Variants in TPR observed in about 807,000 individuals in gnomAD.
The protein encoded by TPR is translocated promoter region, nuclear basket protein, also known as nucleoprotein TPR.
A neutral mutation model predicts 316.1 loss-of-function variants in TPR; 51 were observed. The observed-to-expected ratio is 0.16, with a 90% CI of 0.13 to 0.20. The LOEUF (loss-of-function observed/expected upper bound fraction) is 0.20, where lower values mean the gene tolerates loss of function less well. TPR is among the 10% of genes least tolerant of loss of function. The pLI is 1.00. For synonymous variants in TPR, 981 were observed against 914.7 expected (o/e 1.07, Z -1.31); for missense variants, 2,272 against 2,754.8 (o/e 0.82, Z 3.92).
At chr1:186,321,060 G>A (rs1657762544) in intron 45 of TPR, among the ~76,000 whole-genome samples, 1 of 152,118 alleles carries the variant, frequency 6.6e-6, no homozygotes, top group African/African-American at 2.4e-5. Flanking sequence ...ACTTCTAGAG[G>A]CACAGGGGTA....
Position 186,373,477 on chromosome 1 carries a change from GCAAAAAA to G in TPR, c.152-21_152-15del. On this transcript the variant is annotated splice_polypyrimidine_tract_variant and intron_variant, in intron 1 of 50. Coordinates refer to ENST00000367478, the MANE Select transcript of TPR (RefSeq NM_003292.3). Reference sequence around the variant, plus strand: ...AATACTGTTGTTCTACAGCAGACAAGCAAAAAACAAAAAACAAAATCAAACACATGTA... The same window carrying G: ...AATACTGTTGTTCTACAGCAGACAAGCAAAAAACAAAATCAAACACATGTA... The G allele has an allele frequency of 1.3e-6, 2 of 1,573,678 alleles. No individual in the cohort carries two copies. The highest frequency in any genetic ancestry group is 1.7e-6 in the Non-Finnish European group (2 of 1,151,430).
chr1:186,327,348 T>C (rs1456649449), intron 40 of TPR, 112 bp downstream of exon 40: 2 of 380,970 alleles, frequency 5.2e-6, no homozygotes, highest in Non-Finnish European at 8.8e-6. Context: ...AAATATAATC[T>C]ATTTAAGCTG....
intron 18 of TPR, among the ~76,000 whole-genome samples, chr1:186,352,756 ATAAGAC>A (rs1445553982): frequency 1.3e-5 from 2 of 152,202 alleles, no homozygotes; most frequent in African/African-American, 2.4e-5. Flanking sequence ...TAAGAGCATT[ATAAGAC>A]ATGGGTTCAA....
intron 43 of TPR, 148 bp from the exon 44 acceptor site, chr1:186,322,734 A>C: frequency 1.4e-6 from 1 of 732,826 alleles, no homozygotes; most frequent in East Asian, 2.7e-5. Context: ...AAACCTGCCA[A>C]GAAATCACTT....
intron 18 of TPR, 25 bp downstream of exon 18, chr1:186,353,661 AAG>A: frequency 6.3e-7 from 1 of 1,598,328 alleles, no homozygotes; most frequent in Non-Finnish European, 8.5e-7. Context: ...CTTATAATGC[AAG>A]TTGGACAAGG....
intron 49 of TPR, among the ~76,000 whole-genome samples, chr1:186,315,448 T>G (rs1314929335): frequency 1.3e-5 from 2 of 152,066 alleles, no homozygotes; most frequent in African/African-American, 2.4e-5. Context: ...ATGCAATCAT[T>G]AGCAAATCAT....
chr1:186,345,802 T>C, intron 23 of TPR, 106 bp from the exon 24 acceptor site: 1 of 829,990 alleles, frequency 1.2e-6, no homozygotes, highest in Non-Finnish European at 1.9e-6. Context: ...AAGATCCAAT[T>C]AGCCCAAAAA....
At chr1:186,322,803 T>C (rs1657808486) in intron 43 of TPR, 1 of 530,528 alleles carries the variant, frequency 1.9e-6, no homozygotes, top group Non-Finnish European at 3.4e-6. Context: ...AATCATTCTA[T>C]TAACCAACAG....
In TPR at chr1:186,343,331, C is replaced by G. The variant is rs957368784; in HGVS notation, c.3745G>C (p.Val1249Leu). 1 of 1,612,290 alleles carries G rather than the reference C, an allele frequency of 6.2e-7. No homozygotes were observed. Among genetic ancestry groups the G allele is most frequent in the African/African-American group, 1.3e-5 (1 of 74,998 alleles). Residue 1249 changes from valine (V) to leucine (L), a missense_variant, in exon 27 of 51, where the codon GTC becomes CTC. Val to Leu is a conservative substitution (Grantham distance 32). Around this residue, in one of 10 missense-constraint regions of TPR, gnomAD observed 757 missense variants for 859.8 expected, o/e 0.88. Transcript: ENST00000367478. Reference sequence around the variant, plus strand: ...TTAAAGCTTAGTATACCTACCTGGACTTTCTCCCTTTCAGCATTTAGACTA... The same window carrying G: ...TTAAAGCTTAGTATACCTACCTGGAGTTTCTCCCTTTCAGCATTTAGACTA... ...QDSLNAEREKVQVTAKTMAQH... is the reference protein window; with the variant it reads ...QDSLNAEREKLQVTAKTMAQH...
chr1:186,343,086 A>G, intron 27 of TPR: 1 of 368,512 alleles, frequency 2.7e-6, no homozygotes, highest in Non-Finnish European at 4.8e-6. Flanking sequence ...AAGTTAAACA[A>G]TGTACCCAAG....
At chr1:186,353,171 G>A (rs1364398432) in intron 18 of TPR, among the ~76,000 whole-genome samples, 1 of 152,142 alleles carries the variant, frequency 6.6e-6, no homozygotes, top group Non-Finnish European at 1.5e-5. Flanking sequence ...AGTAGATCGA[G>A]ACCATCCTGG....
At chr1:186,319,544 A>C (rs1475389314) in intron 46 of TPR, among the ~76,000 whole-genome samples, 4 of 152,204 alleles carry the variant, frequency 2.6e-5, no homozygotes, top group Non-Finnish European at 5.9e-5. Context: ...AAAATCACAT[A>C]ACATTTTAAA....
At chr1:186,323,637 C>T (rs921793208) in intron 43 of TPR, 49 bp downstream of exon 43, 11 of 1,401,438 alleles carry the variant, frequency 7.8e-6, no homozygotes, top group Non-Finnish European at 1.0e-5. Context: ...GGAGAAAAGC[C>T]AAGATTTTTT....
chr1:186,366,420 A>G (rs1428956435), intron 4 of TPR, among the ~76,000 whole-genome samples: 1 of 152,160 alleles, frequency 6.6e-6, no homozygotes, highest in Non-Finnish European at 1.5e-5. Context: ...CACAGACAAA[A>G]CGTATGACAA....
intron 31 of TPR, 116 bp downstream of exon 31, chr1:186,337,917 T>C: frequency 1.2e-6 from 1 of 833,310 alleles, no homozygotes; most frequent in Non-Finnish European, 1.8e-6. Context: ...AAAGATATCA[T>C]ATATGCTTAC....
chr1:186,344,639 C>T (rs1012512814), intron 24 of TPR, 61 bp from the exon 25 acceptor site: 3 of 1,326,112 alleles, frequency 2.3e-6, no homozygotes, highest in African/African-American at 3.0e-5. Context: ...CTAGTTAGCA[C>T]TTGTCCAAAG....
rs1482696301 is a variant in TPR at position 186,343,486 on chromosome 1, A to G, written c.3603-13T>C. The G allele has an allele frequency of 6.3e-7, 1 of 1,598,920 alleles. No individual in the cohort carries two copies. The highest frequency in any genetic ancestry group is 1.8e-5 in the Admixed American group (1 of 56,304). ...TCGTCGTATAAATCTACAAAAATAC[A>G]GATATTAAAATTTTATGTGAATTTT... On this transcript the variant is annotated splice_polypyrimidine_tract_variant and intron_variant, in intron 26 of 50. Coordinates refer to ENST00000367478, the MANE Select transcript of TPR (RefSeq NM_003292.3).
chr1:186,353,037 AT>A (rs1228810296), intron 18 of TPR, among the ~76,000 whole-genome samples: 1 of 152,186 alleles, frequency 6.6e-6, no homozygotes, highest in Non-Finnish European at 1.5e-5. Context: ...ATGCAATGTA[AT>A]TTTTATATTG....
Position 186,326,103 on chromosome 1 carries a change from C to T in TPR, c.6021+1G>A. Reference sequence around the variant, plus strand: ...GAATGGTTAAAATTCTAGCCAGTTACCTCAGCATCATCAGCTTCATAACCA... The same window carrying T: ...GAATGGTTAAAATTCTAGCCAGTTATCTCAGCATCATCAGCTTCATAACCA... On this transcript the variant is annotated splice_donor_variant, in intron 41 of 50. Transcript: ENST00000367478. LOFTEE classifies it high-confidence loss of function. The T allele has an allele frequency of 6.2e-7, 1 of 1,613,666 alleles. No homozygotes were observed. The highest frequency in any genetic ancestry group is 8.5e-7 in the Non-Finnish European group (1 of 1,179,724).
Sources: allele counts gnomAD v4.1 joint callset (sites outside exome capture counted in the v4.1 genomes callset), GRCh38; gene constraint gnomAD v4.1.1; regional missense constraint gnomAD v4.1.1; transcripts MANE v1.5; gene names NCBI Gene and HGNC (gene_info 2026-07-23, HGNC 2026-07-21).